WDFY2: variants seen among roughly 807,000 people sequenced by gnomAD.
WDFY2 encodes WD repeat and FYVE domain-containing protein 2.
In WDFY2, 36 loss-of-function variants were observed where a neutral mutation model predicts 56.4. The ratio of observed to expected loss-of-function variants is 0.64; its 90% CI spans 0.49 to 0.84. WDFY2 has a LOEUF of 0.84. Ranked by LOEUF, WDFY2 falls within the 40% of genes least tolerant of loss-of-function variation. The pLI is 0.00. For synonymous variants in WDFY2, 176 were observed against 183.7 expected, an observed-to-expected ratio of 0.96 and a Z score of 0.34; for missense variants, 444 against 512.2, an observed-to-expected ratio of 0.87 and a Z score of 1.29.
chr13:51,630,179 C>T (rs923796524), intron 1 of WDFY2, among the ~76,000 whole-genome samples: 3 of 152,084 alleles, frequency 2.0e-5, no homozygotes, highest in African/African-American at 7.2e-5. Flanking sequence ...ACCCTGTTTT[C>T]TTTAAATCAC....
chr13:51,584,474 G>T lies in WDFY2; in HGVS notation c.-214G>T. On this transcript the variant is annotated 5_prime_UTR_variant, in exon 1 of 12. Coordinates refer to ENST00000298125, the MANE Select transcript of WDFY2 (RefSeq NM_052950.4). ...GCCCCCTCCTCTTGTAGTGGCGCCG[G>T]CTTGCATCCCAGGTCGTGGCGGTTT... 1 of 595,962 alleles carries T rather than the reference G, an allele frequency of 1.7e-6. No homozygotes were observed. Among genetic ancestry groups the T allele is most frequent in the Non-Finnish European group, 2.8e-6 (1 of 362,224 alleles). The allele number at this position is 595,962 out of a possible 1,614,324, so 36.9% of individuals were successfully genotyped here. A position where few individuals can be genotyped will look rare whatever the true frequency, so the allele number is the denominator to read the frequency against.
intron 1 of WDFY2, among the ~76,000 whole-genome samples, chr13:51,595,227 G>A (rs957514232): frequency 6.6e-6 from 1 of 152,186 alleles, no homozygotes; most frequent in African/African-American, 2.4e-5. Context: ...AGCAGGGGCT[G>A]TGTCTTCCAT....
At chr13:51,745,016 A>C (rs1953061717) in intron 7 of WDFY2, among the ~76,000 whole-genome samples, 1 of 152,244 alleles carries the variant, frequency 6.6e-6, no homozygotes, top group Non-Finnish European at 1.5e-5. Flanking sequence ...CTGGAGTCCC[A>C]TAAATTATGT....
chr13:51,627,907 C>T (rs141562159), intron 1 of WDFY2, among the ~76,000 whole-genome samples: 94 of 152,256 alleles, frequency 6.2e-4, no homozygotes, highest in African/African-American at 8.7e-4. Flanking sequence ...AGTCATCTGC[C>T]GGAGTCTGCC....
chr13:51,656,363 A>G (rs1192108753), intron 1 of WDFY2, among the ~76,000 whole-genome samples: 2 of 151,976 alleles, frequency 1.3e-5, no homozygotes, highest in East Asian at 3.8e-4. Flanking sequence ...GATACTTTGT[A>G]TGATTTCAAT....
chr13:51,688,608 C>T, intron 3 of WDFY2, among the ~76,000 whole-genome samples: 1 of 152,088 alleles, frequency 6.6e-6, no homozygotes, highest in South Asian at 2.1e-4. Flanking sequence ...ATCTCTAAGA[C>T]CCCTTACAAA....
At chr13:51,664,722 T>G (rs1955671434) in intron 2 of WDFY2, among the ~76,000 whole-genome samples, 2 of 152,226 alleles carry the variant, frequency 1.3e-5, no homozygotes, top group African/African-American at 4.8e-5. Flanking sequence ...GTACACCTCC[T>G]AATTCCTACT....
At chr13:51,727,385 T>C (rs1306979069) in intron 5 of WDFY2, among the ~76,000 whole-genome samples, 1 of 152,250 alleles carries the variant, frequency 6.6e-6, no homozygotes, top group African/African-American at 2.4e-5. Flanking sequence ...TATTTATTTT[T>C]CCATATGAAC....
At chr13:51,662,638 G>A (rs920146441) in intron 2 of WDFY2, among the ~76,000 whole-genome samples, 6 of 152,136 alleles carry the variant, frequency 3.9e-5, no homozygotes, top group Non-Finnish European at 8.8e-5. Context: ...GAAGCTTTTA[G>A]TTGTGTTTTC....
chr13:51,750,501 T>G (rs576983431), intron 7 of WDFY2, among the ~76,000 whole-genome samples: 1 of 150,302 alleles, frequency 6.7e-6, no homozygotes, highest in Non-Finnish European at 1.5e-5. Flanking sequence ...AGAAACAAAA[T>G]TCTTCATTGA....
intron 3 of WDFY2, among the ~76,000 whole-genome samples, chr13:51,689,603 G>A (rs1956117057): frequency 6.6e-6 from 1 of 152,060 alleles, no homozygotes; most frequent in South Asian, 2.1e-4. Flanking sequence ...TGGGGGATTT[G>A]CATTTAAGGC....
In WDFY2 at chr13:51,637,875, C is replaced by G. The variant is rs141641886; in HGVS notation, c.138-22721C>G. On this transcript the variant is annotated intron_variant, in intron 1 of 11. Coordinates refer to ENST00000298125, the MANE Select transcript of WDFY2 (RefSeq NM_052950.4). ...GCAAAATTAGGAATGCTTTTGTTCT[C>G]AAGATATTGGGATATTAGGACACTC... Among the ~76,000 whole-genome samples, 239 of 152,312 alleles carry G rather than the reference C, an allele frequency of 1.6e-3. 1 individual carries two copies. The highest frequency in any genetic ancestry group is 3.0e-3 in the Non-Finnish European group (206 of 68,020).
intron 1 of WDFY2, chr13:51,586,321 A>T (rs970284077): frequency 5.7e-6 from 2 of 352,154 alleles, no homozygotes; most frequent in African/African-American, 4.2e-5. Context: ...GATGGAACTG[A>T]TCAATTTCTA....
intron 4 of WDFY2, among the ~76,000 whole-genome samples, chr13:51,710,471 T>C (rs1274261046): frequency 6.6e-6 from 1 of 152,076 alleles, no homozygotes; most frequent in African/African-American, 2.4e-5. Context: ...TAAAGAGTAT[T>C]CAATTAGGAA....
chr13:51,675,646 C>G (rs550930882), intron 3 of WDFY2, among the ~76,000 whole-genome samples: 1 of 152,274 alleles, frequency 6.6e-6, no homozygotes, highest in East Asian at 1.9e-4. Flanking sequence ...CATGTCTGAT[C>G]CTGTCTTTGA....
At chr13:51,584,878 T>G in intron 1 of WDFY2, 54 bp downstream of exon 1, 11 of 1,602,826 alleles carry the variant, frequency 6.9e-6, no homozygotes, top group Non-Finnish European at 9.4e-6. Flanking sequence ...CCGACGGCCC[T>G]CGAGCCCGCG....
At chr13:51,650,462 T>A (rs927947248) in intron 1 of WDFY2, among the ~76,000 whole-genome samples, 1 of 151,948 alleles carries the variant, frequency 6.6e-6, no homozygotes, top group Non-Finnish European at 1.5e-5. Context: ...TGAATAGGAG[T>A]GGTGAGAGAG....
intron 1 of WDFY2, among the ~76,000 whole-genome samples, chr13:51,624,701 G>A (rs1954807753): frequency 6.6e-6 from 1 of 152,190 alleles, no homozygotes; most frequent in Admixed American, 6.5e-5. Flanking sequence ...TGGGGAGGAG[G>A]TGAAGTTTTT....
At chr13:51,728,455 A>C (rs990374386) in intron 6 of WDFY2, among the ~76,000 whole-genome samples, 2 of 152,196 alleles carry the variant, frequency 1.3e-5, no homozygotes, top group Non-Finnish European at 2.9e-5. Flanking sequence ...TTGACTCTAG[A>C]ACTTATCGAC....
Sources: allele counts gnomAD v4.1 joint callset (sites outside exome capture counted in the v4.1 genomes callset), GRCh38; gene constraint gnomAD v4.1.1; transcripts MANE v1.5; gene names NCBI Gene and HGNC (gene_info 2026-07-23, HGNC 2026-07-21).